PAX7: variants seen among roughly 807,000 people sequenced by gnomAD.
PAX7 encodes the protein paired box protein Pax-7.
Under a neutral mutation model 50.7 loss-of-function variants are expected in PAX7, and 18 were observed. The observed-to-expected ratio is 0.36, with a 90% CI of 0.25 to 0.53. PAX7 has a LOEUF of 0.53. Ranked by LOEUF, PAX7 falls within the 20% of genes least tolerant of loss-of-function variation. PAX7 has a pLI of 0.93. For missense variants in PAX7, 644 were observed against 702.9 expected, an observed-to-expected ratio of 0.92 and a Z score of 0.95; for synonymous variants, 310 against 290.4, an observed-to-expected ratio of 1.07 and a Z score of -0.69.
chr1:18,706,102 G>A (rs373124915), intron 7 of PAX7, among the ~76,000 whole-genome samples: 1 of 152,314 alleles, frequency 6.6e-6, no homozygotes, highest in South Asian at 2.1e-4. Context: ...AAAAGCTCCC[G>A]GGGTTGCTAG....
rs142415801 is a variant in PAX7 at position 18,677,280 on chromosome 1, A to G, written c.587-14474A>G. On this transcript the variant is annotated intron_variant, in intron 4 of 8. Coordinates refer to ENST00000420770, the MANE Select transcript of PAX7 (RefSeq NM_001135254.2). ...TAAGGGGGGCGGCATGGCCTCCATT[A>G]CAGCAACTGCCCCAGTGGTGGGGGT... 3.0e-3 allele frequency among the ~76,000 whole-genome samples: 452 copies of G among 152,320 alleles called. 4 individuals are homozygous for G. The highest frequency in any genetic ancestry group is 0.01 in the African/African-American group (419 of 41,574).
At chr1:18,656,308 A>G (rs766160736) in intron 4 of PAX7, among the ~76,000 whole-genome samples, 8 of 152,098 alleles carry the variant, frequency 5.3e-5, no homozygotes, top group African/African-American at 1.9e-4. Flanking sequence ...AGCCTGGACA[A>G]CATGGTGAAG....
intron 8 of PAX7, among the ~76,000 whole-genome samples, chr1:18,739,021 C>T (rs1019164119): frequency 1.3e-5 from 2 of 152,168 alleles, no homozygotes; most frequent in African/African-American, 4.8e-5. Flanking sequence ...TGCAAGAGTC[C>T]CATGTCCTGG....
rs1458024499 is a variant in PAX7 at position 18,726,883 on chromosome 1, C to G, written c.1156-8749C>G. 6.6e-6 allele frequency among the ~76,000 whole-genome samples: 1 copy of G among 152,152 alleles called. No homozygotes were observed. Among genetic ancestry groups the G allele is most frequent in the Non-Finnish European group, 1.5e-5 (1 of 68,024 alleles). On this transcript the variant is annotated intron_variant, in intron 7 of 8. Transcript: ENST00000420770. This position sits in a 1 kb window ranked among gnomAD's most constrained non-coding sequence, Gnocchi z 4.8. ...CACCAGGGTTGTGGGTGGCTAGCCC[C>G]CACCCTGGTCAGAGATGGCAGTCAA...
At chr1:18,640,935 G>A (rs1440540713) in intron 4 of PAX7, among the ~76,000 whole-genome samples, 1 of 152,100 alleles carries the variant, frequency 6.6e-6, no homozygotes, top group Non-Finnish European at 1.5e-5. Flanking sequence ...TCCCGGCGAG[G>A]GGCCGAGCCC....
intron 4 of PAX7, among the ~76,000 whole-genome samples, chr1:18,656,417 C>T (rs1304631636): frequency 1.3e-5 from 2 of 151,690 alleles, no homozygotes; most frequent in African/African-American, 2.4e-5. Context: ...GAGAATCACT[C>T]GAACCTGGGA....
Position 18,691,813 on chromosome 1 carries a change from A to G in PAX7, c.646A>G (p.Lys216Glu), listed in dbSNP as rs774118694. The change falls in exon 5 of 9, where the codon AAG (lysine) becomes GAG (glutamate). Residue 216 changes from lysine (K) to glutamate (E), a missense_variant. Coordinates refer to ENST00000420770, the MANE Select transcript of PAX7 (RefSeq NM_001135254.2). Reference sequence around the variant, plus strand: ...GGAACCTGACCTCCCACTGAAGCGCAAGCAGCGACGCAGTCGGACCACATT... The same window carrying G: ...GGAACCTGACCTCCCACTGAAGCGCGAGCAGCGACGCAGTCGGACCACATT... ...ESEPDLPLKR[K>E]QRRSRTTFTA... 1.2e-6 allele frequency: 2 copies of G among 1,611,356 alleles called. No individual in the cohort carries two copies. Among genetic ancestry groups the G allele is most frequent in the Admixed American group, 1.7e-5 (1 of 59,762 alleles).
Position 18,726,020 on chromosome 1 carries a change from G to A in PAX7, c.1156-9612G>A, listed in dbSNP as rs563771541. Among the ~76,000 whole-genome samples the A allele has an allele frequency of 1.3e-5, 2 of 151,638 alleles. No homozygotes were observed. Among genetic ancestry groups the A allele is most frequent in the South Asian group, 2.1e-4 (1 of 4,704 alleles). On this transcript the variant is annotated intron_variant, in intron 7 of 8. Transcript: ENST00000420770. The surrounding 1 kb of genome is among the most constrained non-coding windows in gnomAD (Gnocchi z 4.8). Reference sequence around the variant, plus strand: ...CGCGCGCGCGCGTGCGCGCGTGTGTGTGCGTGTGTTTGTGTGTGTGTGTGT... The same window carrying A: ...CGCGCGCGCGCGTGCGCGCGTGTGTATGCGTGTGTTTGTGTGTGTGTGTGT...
chr1:18,730,662 C>T (rs553661046), intron 7 of PAX7, among the ~76,000 whole-genome samples: 3 of 152,322 alleles, frequency 2.0e-5, no homozygotes, highest in Admixed American at 6.5e-5. Context: ...CCCAGGCCCT[C>T]GGGGCCAGCT....
At chr1:18,635,533 G>GGAAGGAAGGAAGGAAA (rs1557499986) in intron 3 of PAX7, among the ~76,000 whole-genome samples, 5 of 150,980 alleles carry the variant, frequency 3.3e-5, no homozygotes, top group Admixed American at 1.3e-4. Flanking sequence ...AAGGAAAGAA[G>GGAAGGAAGGAAGGAAA]GAAGGAAGGA....
At chr1:18,725,490 C>T (rs1356089771) in intron 7 of PAX7, among the ~76,000 whole-genome samples, 3 of 152,140 alleles carry the variant, frequency 2.0e-5, no homozygotes, top group African/African-American at 7.2e-5. Context: ...CGCTGACAAA[C>T]TGTTTCTGTC....
chr1:18,722,042 A>C (rs1443807824), intron 7 of PAX7, among the ~76,000 whole-genome samples: 1 of 152,214 alleles, frequency 6.6e-6, no homozygotes, highest in Admixed American at 6.5e-5. Flanking sequence ...TGTGGATGAC[A>C]CAGGGTTAGA....
intron 7 of PAX7, among the ~76,000 whole-genome samples, chr1:18,733,031 G>C (rs765705457): frequency 2.0e-5 from 3 of 152,102 alleles, no homozygotes; most frequent in Non-Finnish European, 4.4e-5. Flanking sequence ...CCTCCTTTGA[G>C]CAGGGAGCAG....
At chr1:18,736,148 T>C (rs1250434956) in intron 8 of PAX7, 4 of 628,744 alleles carry the variant, frequency 6.4e-6, no homozygotes, top group Non-Finnish European at 1.1e-5. Context: ...ACTTAACATT[T>C]CTAGTGGCCA....
At chr1:18,714,950 G>C (rs1249098996) in intron 7 of PAX7, among the ~76,000 whole-genome samples, 1 of 152,244 alleles carries the variant, frequency 6.6e-6, no homozygotes, top group Non-Finnish European at 1.5e-5. Context: ...GGGAGATTAG[G>C]AATTAATACA....
At chr1:18,689,765 G>C (rs894133740) in intron 4 of PAX7, among the ~76,000 whole-genome samples, 7 of 152,218 alleles carry the variant, frequency 4.6e-5, no homozygotes, top group Admixed American at 4.6e-4. Context: ...TACCCAGCAT[G>C]CCTTTTGACA....
intron 4 of PAX7, among the ~76,000 whole-genome samples, chr1:18,674,697 C>A (rs1200357919): frequency 6.6e-6 from 1 of 152,236 alleles, no homozygotes; most frequent in South Asian, 2.1e-4. Flanking sequence ...GTCTGTCCCC[C>A]TTTTTCCACT....
At chr1:18,702,317 C>T (rs574871181) in intron 6 of PAX7, among the ~76,000 whole-genome samples, 15 of 151,864 alleles carry the variant, frequency 9.9e-5, no homozygotes, top group African/African-American at 2.4e-4. Context: ...CCAGCCTGGG[C>T]GACAGAGTGA....
chr1:18,689,100 C>T (rs1279006154), intron 4 of PAX7, among the ~76,000 whole-genome samples: 1 of 152,070 alleles, frequency 6.6e-6, no homozygotes, highest in Non-Finnish European at 1.5e-5. Flanking sequence ...CCCCATCCGC[C>T]TCAGCTCCTG....
Sources: gnomAD v4.1 joint callset for allele counts (sites outside exome capture counted in the v4.1 genomes callset) on GRCh38, gnomAD v4.1.1 for gene constraint, Gnocchi (gnomAD v3.1) non-coding constraint, MANE v1.5 for transcripts, NCBI Gene and HGNC (gene_info 2026-07-23, HGNC 2026-07-21) for gene names.